TRMT11: variants seen among roughly 807,000 people sequenced by gnomAD.
TRMT11 encodes tRNA (guanine(10)-N(2))-methyltransferase TRMT11.
In TRMT11, 53 loss-of-function variants were observed where a neutral mutation model predicts 62.8. The ratio of observed to expected loss-of-function variants is 0.84; its 90% CI spans 0.68 to 1.06. The LOEUF is 1.06. Among genes scored for constraint, TRMT11 ranks in the 50% least tolerant of loss-of-function variants. TRMT11 has a pLI of 0.00. For synonymous variants in TRMT11, 188 were observed against 190.3 expected (o/e 0.99, Z 0.10); for missense variants, 556 against 553.4 (o/e 1.00, Z -0.05).
At chr6:126,188,026 A>G (rs1193632232) in intron 1 of TRMT11, among the ~76,000 whole-genome samples, 2 of 151,890 alleles carry the variant, frequency 1.3e-5, no homozygotes. Context: ...AGAAACCTCA[A>G]GAAAATATCT....
chr6:126,094,420 T>C (rs1273243446), intron 17 of TRMT11, among the ~76,000 whole-genome samples: 4 of 152,216 alleles, frequency 2.6e-5, no homozygotes, highest in Non-Finnish European at 4.4e-5. Context: ...CAAATTTTTG[T>C]GTCAGTGTTG....
intron 11 of TRMT11, among the ~76,000 whole-genome samples, chr6:126,018,575 A>G (rs1795329224): frequency 6.6e-6 from 1 of 152,090 alleles, no homozygotes; most frequent in African/African-American, 2.4e-5. Context: ...CATCACCACT[A>G]GGTAATTCCA....
chr6:126,209,337 G>A, the TRMT11 span, among the ~76,000 whole-genome samples: 1,082 of 152,246 alleles, frequency 7.1e-3, 5 homozygotes, highest in African/African-American at 0.025. Context: ...AAACTACAGA[G>A]TTATGAGTCT....
chr6:126,140,284 T>C (rs1263908843), intron 21 of TRMT11, among the ~76,000 whole-genome samples: 1 of 152,120 alleles, frequency 6.6e-6, no homozygotes, highest in Non-Finnish European at 1.5e-5. Flanking sequence ...TGCTAATATG[T>C]AATTCAAGGT....
chr6:126,255,464 AT>A, the TRMT11 span, among the ~76,000 whole-genome samples: 1 of 152,218 alleles, frequency 6.6e-6, no homozygotes, highest in Non-Finnish European at 1.5e-5. Flanking sequence ...CTGGCTTGGT[AT>A]TTGATAAGTA....
intron 2 of TRMT11, among the ~76,000 whole-genome samples, chr6:125,994,251 G>T (rs1182083526): frequency 1.3e-5 from 2 of 151,794 alleles, no homozygotes; most frequent in African/African-American, 4.8e-5. Flanking sequence ...TTGGAAAATA[G>T]AAAAAATAAT....
At chr6:126,143,567 A>C (rs1441708768) in intron 21 of TRMT11, among the ~76,000 whole-genome samples, 1 of 152,144 alleles carries the variant, frequency 6.6e-6, no homozygotes, top group East Asian at 1.9e-4. Context: ...TGTCTCTGTT[A>C]TTGTCATTTA....
At chr6:126,157,999 C>T (rs548633316) in intron 21 of TRMT11, among the ~76,000 whole-genome samples, 1 of 152,054 alleles carries the variant, frequency 6.6e-6, no homozygotes, top group Admixed American at 6.6e-5. Context: ...TCATAAGCCC[C>T]TCTATATCCT....
intron 1 of TRMT11, among the ~76,000 whole-genome samples, chr6:126,185,632 G>T (rs1411532415): frequency 6.6e-6 from 1 of 152,082 alleles, no homozygotes; most frequent in Non-Finnish European, 1.5e-5. Flanking sequence ...TAAAATAAAT[G>T]AGACCATAAT....
At chr6:126,056,458 T>C (rs1467345658) in intron 17 of TRMT11, among the ~76,000 whole-genome samples, 1 of 152,208 alleles carries the variant, frequency 6.6e-6, no homozygotes, top group African/African-American at 2.4e-5. Context: ...TCTCTTGAAT[T>C]CTGCCATCAC....
chr6:126,163,932 A>G (rs1200260743), intron 21 of TRMT11, among the ~76,000 whole-genome samples: 1 of 151,978 alleles, frequency 6.6e-6, no homozygotes, highest in Non-Finnish European at 1.5e-5. Context: ...CTGCTCCTGG[A>G]TTCATTGATT....
chr6:126,223,928 A>C, the TRMT11 span, among the ~76,000 whole-genome samples: 3 of 152,080 alleles, frequency 2.0e-5, no homozygotes, highest in Non-Finnish European at 4.4e-5. Context: ...AGCTTTGTCT[A>C]TTTTGCTGTT....
At chr6:126,096,605 C>A (rs2128173743) in intron 17 of TRMT11, among the ~76,000 whole-genome samples, 1 of 151,846 alleles carries the variant, frequency 6.6e-6, no homozygotes, top group East Asian at 1.9e-4. Flanking sequence ...TCACCATGGG[C>A]ATTAGGGCAC....
the TRMT11 span, among the ~76,000 whole-genome samples, chr6:126,220,328 C>T: frequency 2.6e-5 from 4 of 152,154 alleles, no homozygotes; most frequent in Non-Finnish European, 4.4e-5. Flanking sequence ...AATAGACATA[C>T]GGAGAAGCAG....
At chr6:126,213,033 A>ATT in the TRMT11 span, among the ~76,000 whole-genome samples, 1 of 151,994 alleles carries the variant, frequency 6.6e-6, no homozygotes, top group African/African-American at 2.4e-5. Flanking sequence ...ACACTGTCCT[A>ATT]TTCCCAGTGT....
the TRMT11 span, among the ~76,000 whole-genome samples, chr6:126,240,450 C>G: frequency 2.0e-5 from 3 of 152,156 alleles, no homozygotes; most frequent in Non-Finnish European, 4.4e-5. Flanking sequence ...AGCTGGAGGT[C>G]TCTTGGAGTT....
intron 17 of TRMT11, among the ~76,000 whole-genome samples, chr6:126,099,323 A>C (rs150057427): frequency 3.7e-3 from 557 of 152,248 alleles, no homozygotes; most frequent in Non-Finnish European, 6.5e-3. Flanking sequence ...ACTCTGGGTA[A>C]TGGTTTTGCT....
the TRMT11 span, among the ~76,000 whole-genome samples, chr6:126,221,579 G>A: frequency 6.6e-6 from 1 of 152,050 alleles, no homozygotes; most frequent in Non-Finnish European, 1.5e-5. Context: ...ATCTGTTTAT[G>A]TCTTTTACCC....
chr6:126,258,750 G>A, the TRMT11 span, among the ~76,000 whole-genome samples: 1 of 151,320 alleles, frequency 6.6e-6, no homozygotes, highest in Admixed American at 6.6e-5. Flanking sequence ...TATTTTTTTG[G>A]GGTATTTTTT....
Sources: allele counts gnomAD v4.1 joint callset (sites outside exome capture counted in the v4.1 genomes callset), GRCh38; gene constraint gnomAD v4.1.1; transcripts MANE v1.5; gene names NCBI Gene and HGNC (gene_info 2026-07-23, HGNC 2026-07-21).